AKAP19: variants seen among roughly 807,000 people sequenced by gnomAD.
AKAP19 encodes A-kinase anchoring protein 19.
the AKAP19 span, among the ~76,000 whole-genome samples, chr2:189,968,448 C>G: frequency 1.3e-5 from 2 of 152,134 alleles, no homozygotes. Context: ...CTATATTGCC[C>G]AGGCTGGTCT....
At chr2:190,171,533 G>A in the AKAP19 span, among the ~76,000 whole-genome samples, 3 of 151,980 alleles carry the variant, frequency 2.0e-5, no homozygotes, top group Non-Finnish European at 4.4e-5. Flanking sequence ...AAAATTCTTA[G>A]TTCTCTCAGT....
the AKAP19 span, among the ~76,000 whole-genome samples, chr2:190,003,663 AG>A: frequency 3.7e-4 from 57 of 152,270 alleles, no homozygotes; most frequent in African/African-American, 1.3e-3. Flanking sequence ...CAGGGGTTCA[AG>A]ACCAGCCTGT....
chr2:190,136,276 C>T, the AKAP19 span, among the ~76,000 whole-genome samples: 1 of 152,070 alleles, frequency 6.6e-6, no homozygotes, highest in Non-Finnish European at 1.5e-5. Flanking sequence ...TCCCACAGAC[C>T]CTGGCCCAGC....
the AKAP19 span, among the ~76,000 whole-genome samples, chr2:190,102,768 A>C: frequency 6.3e-4 from 96 of 152,332 alleles, no homozygotes; most frequent in Non-Finnish European, 1.2e-3. Context: ...AGACGTACAA[A>C]GAAGAGCTGG....
the AKAP19 span, among the ~76,000 whole-genome samples, chr2:190,182,178 C>T: frequency 6.6e-6 from 1 of 152,284 alleles, no homozygotes; most frequent in South Asian, 2.1e-4. Context: ...TACATTTTGA[C>T]GGGTTCCTCC....
the AKAP19 span, among the ~76,000 whole-genome samples, chr2:189,960,646 A>G: frequency 6.6e-6 from 1 of 152,126 alleles, no homozygotes; most frequent in African/African-American, 2.4e-5. Flanking sequence ...TTCTGGCCCT[A>G]ATTAAGCTTC....
At chr2:190,053,197 T>A in the AKAP19 span, among the ~76,000 whole-genome samples, 2 of 152,320 alleles carry the variant, frequency 1.3e-5, no homozygotes, top group East Asian at 3.9e-4. Flanking sequence ...CTAGTCAACC[T>A]TTATAAGTTA....
chr2:190,097,859 C>CAAAAAAAAAAAAAAAAAAAAAAAA, the AKAP19 span, among the ~76,000 whole-genome samples: 1 of 64,526 alleles, frequency 1.5e-5, no homozygotes, highest in Non-Finnish European at 2.8e-5. Flanking sequence ...TGGTTTCTAC[C>CAAAAAAAAAAAAAAAAAAAAAAAA]AAAAAAAAAA....
chr2:190,012,288 C>T, the AKAP19 span, among the ~76,000 whole-genome samples: 2 of 124,118 alleles, frequency 1.6e-5, no homozygotes, highest in Non-Finnish European at 3.3e-5. Flanking sequence ...CCACACCTGA[C>T]TAATTTCTGT....
chr2:189,987,589 CT>C, the AKAP19 span, among the ~76,000 whole-genome samples: 1 of 152,184 alleles, frequency 6.6e-6, no homozygotes, highest in African/African-American at 2.4e-5. Context: ...CCTAAACTCC[CT>C]CCAAAATCAG....
At chr2:189,933,930 T>C in the AKAP19 span, among the ~76,000 whole-genome samples, 1 of 152,072 alleles carries the variant, frequency 6.6e-6, no homozygotes, top group Non-Finnish European at 1.5e-5. Context: ...AAGAAGTCCA[T>C]TGATTGCCCA....
the AKAP19 span, among the ~76,000 whole-genome samples, chr2:190,004,285 A>G: frequency 1.4e-5 from 2 of 147,844 alleles, no homozygotes; most frequent in African/African-American, 2.5e-5. Flanking sequence ...ATAATAAAAA[A>G]AAACATTCTC....
the AKAP19 span, chr2:190,060,105 T>C: frequency 2.5e-6 from 4 of 1,612,874 alleles, no homozygotes; most frequent in South Asian, 3.3e-5. Flanking sequence ...AGCAAGATCA[T>C]GACCATTCTC....
At chr2:190,003,828 C>A in the AKAP19 span, among the ~76,000 whole-genome samples, 1 of 152,000 alleles carries the variant, frequency 6.6e-6, no homozygotes, top group South Asian at 2.1e-4. Context: ...GATCATGCCA[C>A]CGCACTCCAG....
At chr2:190,026,713 T>C in the AKAP19 span, among the ~76,000 whole-genome samples, 2 of 152,226 alleles carry the variant, frequency 1.3e-5, no homozygotes, top group Non-Finnish European at 2.9e-5. Context: ...TTCAAGTTAC[T>C]ACTCCCAGTA....
At chr2:190,017,937 T>G in the AKAP19 span, among the ~76,000 whole-genome samples, 2 of 152,208 alleles carry the variant, frequency 1.3e-5, no homozygotes, top group Non-Finnish European at 2.9e-5. Context: ...ATATTCTTGG[T>G]TGGTAAATTT....
chr2:190,039,929 G>A, the AKAP19 span, among the ~76,000 whole-genome samples: 2 of 152,182 alleles, frequency 1.3e-5, no homozygotes, highest in East Asian at 1.9e-4. Flanking sequence ...GTTATTGATG[G>A]GCATTTAGGT....
chr2:190,013,280 A>G, the AKAP19 span, among the ~76,000 whole-genome samples: 4 of 152,178 alleles, frequency 2.6e-5, no homozygotes, highest in South Asian at 2.1e-4. Flanking sequence ...TACTGATTCA[A>G]TCTCTTTACT....
chr2:190,201,238 T>G, the AKAP19 span: 1 of 167,028 alleles, frequency 6.0e-6, no homozygotes, highest in African/African-American at 2.4e-5. Context: ...AAGCTATTTT[T>G]TCTCTTTCAT....
Sources: gnomAD v4.1 joint callset for allele counts (sites outside exome capture counted in the v4.1 genomes callset) on GRCh38, gnomAD v4.1.1 for gene constraint, MANE v1.5 for transcripts, NCBI Gene and HGNC (gene_info 2026-07-23, HGNC 2026-07-21) for gene names.